The following CKAP2L variants were observed in gnomAD, a reference collection of about 807,000 sequenced individuals.
CKAP2L encodes cytoskeleton-associated protein 2-like.
A neutral mutation model predicts 65.7 loss-of-function variants in CKAP2L; 42 were observed. That is an observed-to-expected ratio of 0.64 (90% CI 0.50 to 0.83). CKAP2L has a LOEUF of 0.83. Ranked by LOEUF, CKAP2L falls within the 40% of genes least tolerant of loss-of-function variation. The probability of loss-of-function intolerance (pLI) is 0.00; values close to 1 mark genes in which losing one functional copy is unlikely to be tolerated. For missense variants in CKAP2L, 908 were observed against 871.0 expected (o/e 1.04, Z -0.53); for synonymous variants, 325 against 313.5 (o/e 1.04, Z -0.39).
chr2:112,742,349 G>C, intron 7 of CKAP2L: 1 of 716,608 alleles, frequency 1.4e-6, no homozygotes, highest in Admixed American at 2.0e-5. Flanking sequence ...ATTTAGATGA[G>C]TATGTTGGTG....
intron 1 of CKAP2L, chr2:112,764,257 C>A: frequency 2.2e-6 from 1 of 463,074 alleles, no homozygotes. Flanking sequence ...GGTGAAAACC[C>A]GAGCAAGGGG....
Position 112,756,759 on chromosome 2 carries a change from A to G in CKAP2L, c.612T>C (p.Tyr204=), listed in dbSNP as rs750775927. ...EPERKPDPKL[Y]TRSKPKTDSY... is the part of the protein sequence containing the mutation. ...AGTCAGTCTTTGGCTTACTTCTGGT[A>G]TATAATTTAGGATCTGGCTTCCTCT... The change falls in exon 4 of 9, where the codon TAT becomes TAC. Residue 204 remains tyrosine, a synonymous_variant. Coordinates refer to ENST00000302450, the MANE Select transcript of CKAP2L (RefSeq NM_152515.5). 2.5e-6 allele frequency: 4 copies of G among 1,602,064 alleles called. No homozygotes were observed. The highest frequency in any genetic ancestry group is 3.5e-5 in the Admixed American group (2 of 56,854).
intron 6 of CKAP2L, 98 bp from the exon 7 acceptor site, chr2:112,742,867 T>A: frequency 2.6e-6 from 2 of 777,554 alleles, no homozygotes; most frequent in Non-Finnish European, 4.2e-6. Context: ...ATAATAAAAG[T>A]TTCCTTTTAA....
In CKAP2L at chr2:112,752,346, T is replaced by C; in HGVS notation, c.1523A>G (p.Glu508Gly). Residue 508 changes from glutamate to glycine, a missense_variant, in exon 5 of 9, where the codon GAG becomes GGG. Glu to Gly is a moderately conservative substitution (Grantham distance 98). Coordinates refer to ENST00000302450, the MANE Select transcript of CKAP2L (RefSeq NM_152515.5). ...TTCGAGTTGTGCTTTCTTTTCTTCC[T>C]CTTCTTTTTCAATGCTCTTCCAGAA... Reference protein sequence around the residue: ...ISFWKSIEKEEEEKKAQLELS... With the variant: ...ISFWKSIEKEGEEKKAQLELS... 1 of 1,613,838 alleles carries C rather than the reference T, an allele frequency of 6.2e-7. No individual in the cohort carries two copies. The highest frequency in any genetic ancestry group is 8.5e-7 in the Non-Finnish European group (1 of 1,179,752).
chr2:112,751,283 T>A (rs982961893), intron 5 of CKAP2L, among the ~76,000 whole-genome samples: 1 of 152,142 alleles, frequency 6.6e-6, no homozygotes, highest in Admixed American at 6.5e-5. Context: ...ACAACCAAAG[T>A]ACACAAAAAT....
In CKAP2L at chr2:112,756,210, A is replaced by G. The variant is rs1207037245; in HGVS notation, c.1161T>C (p.Asn387=). ...TGCTAGGGGTGCTTGGAATGGCTGA[A>G]TTAAATCTGCCAACTGTCAAATTAG... The part of the protein sequence containing the change: ...QRPNLTVGRF[N]SAIPSTPSIR... The change falls in exon 4 of 9, where the codon AAT becomes AAC. Residue 387 remains asparagine, a synonymous_variant. Transcript: ENST00000302450. The G allele has an allele frequency of 6.2e-7, 1 of 1,614,206 alleles. No individual in the cohort carries two copies. The highest frequency in any genetic ancestry group is 1.7e-5 in the Admixed American group (1 of 60,022).
At chr2:112,760,453 A>G (rs1680683772) in intron 3 of CKAP2L, among the ~76,000 whole-genome samples, 1 of 152,244 alleles carries the variant, frequency 6.6e-6, no homozygotes, top group Admixed American at 6.5e-5. Context: ...TATCAGGCAC[A>G]CAGTAAGCAT....
chr2:112,764,113 G>C (rs1680818363), intron 1 of CKAP2L: 1 of 221,424 alleles, frequency 4.5e-6, no homozygotes, highest in African/African-American at 2.3e-5. Context: ...CAGGCTGAGA[G>C]GTGTGGAGTG....
At chr2:112,753,531 T>TTC (rs1553441727) in intron 4 of CKAP2L, among the ~76,000 whole-genome samples, 7 of 139,730 alleles carry the variant, frequency 5.0e-5, no homozygotes, top group African/African-American at 8.7e-5. Context: ...CTTTTCTTTT[T>TTC]TTTTTTTTTT....
rs1050263128 is a variant in CKAP2L at position 112,752,042 on chromosome 2, G to T, written c.1602+225C>A. 8.5e-5 allele frequency among the ~76,000 whole-genome samples: 13 copies of T among 152,252 alleles called. No individual in the cohort carries two copies. In the East Asian group the frequency reaches 1.2e-3, roughly 14 times the overall value. On this transcript the variant is annotated intron_variant, in intron 5 of 8. Coordinates refer to ENST00000302450, the MANE Select transcript of CKAP2L (RefSeq NM_152515.5). ...TTGTAAAGTGGTCATAGTAACAGTG[G>T]TTATGATAATTATGTGAGATAATCT...
chr2:112,742,555 T>G, intron 7 of CKAP2L, 151 bp downstream of exon 7: 2 of 708,928 alleles, frequency 2.8e-6, no homozygotes, highest in Non-Finnish European at 5.3e-6. Context: ...ATAAGTCAGC[T>G]GATGACAATG....
At chr2:112,739,351 G>T (rs990798928) in intron 8 of CKAP2L, among the ~76,000 whole-genome samples, 6 of 152,118 alleles carry the variant, frequency 3.9e-5, no homozygotes, top group African/African-American at 1.4e-4. Flanking sequence ...AGCCCAGAAG[G>T]TCAAGGCTGC....
intron 6 of CKAP2L, 108 bp downstream of exon 6, chr2:112,746,312 T>C: frequency 1.2e-6 from 1 of 810,112 alleles, no homozygotes; most frequent in South Asian, 2.4e-5. Context: ...ACTTTATAAG[T>C]GTTGGATATT....
At chr2:112,741,113 T>C (rs901695439) in intron 7 of CKAP2L, 106 bp from the exon 8 acceptor site, 1 of 760,272 alleles carries the variant, frequency 1.3e-6, no homozygotes, top group Non-Finnish European at 2.2e-6. Context: ...CCCAGTGATC[T>C]TCATGGGCTC....
chr2:112,755,913 C>T, intron 4 of CKAP2L, 64 bp downstream of exon 4: 1 of 1,464,206 alleles, frequency 6.8e-7, no homozygotes, highest in Non-Finnish European at 9.2e-7. Context: ...CTGACCTAGT[C>T]TTCTTGATGG....
At position 112,739,377 on chromosome 2, in the gene CKAP2L, T is replaced by A. The variant is rs151168935; in HGVS notation, c.2013-329A>T. On this transcript the variant is annotated intron_variant, in intron 8 of 8. Transcript: ENST00000302450. ...TCAAGGCTGCAGTGAGCTATGATTA[T>A]GCCATTGTACTCCAGTCTGGGCAAC... is the stretch of plus-strand genomic sequence containing the variant. Among the ~76,000 whole-genome samples, 2,194 of 152,266 alleles carry A rather than the reference T, an allele frequency of 0.014. 31 individuals carry two copies. Among genetic ancestry groups the A allele is most frequent in the South Asian group, 0.035 (170 of 4,830 alleles).
chr2:112,757,946 T>C (rs765535863), intron 3 of CKAP2L, among the ~76,000 whole-genome samples: 5 of 152,202 alleles, frequency 3.3e-5, no homozygotes, highest in Admixed American at 6.5e-5. Context: ...CCACACTATA[T>C]GTTTTTTAAA....
chr2:112,749,893 C>A (rs1335448737), intron 5 of CKAP2L, among the ~76,000 whole-genome samples: 1 of 152,166 alleles, frequency 6.6e-6, no homozygotes, highest in East Asian at 1.9e-4. Context: ...AAGACACTTG[C>A]TTCTTCCTAT....
At chr2:112,757,482 T>G (rs1420215381) in intron 3 of CKAP2L, among the ~76,000 whole-genome samples, 4 of 149,332 alleles carry the variant, frequency 2.7e-5, no homozygotes, top group African/African-American at 9.9e-5. Flanking sequence ...CTCTGCCTCC[T>G]GGGTTGAAGC....
Sources: gnomAD v4.1 joint callset for allele counts (sites outside exome capture counted in the v4.1 genomes callset) on GRCh38, gnomAD v4.1.1 for gene constraint, MANE v1.5 for transcripts, NCBI Gene and HGNC (gene_info 2026-07-23, HGNC 2026-07-21) for gene names.